The following EIF5B variants were observed in gnomAD, a reference collection of about 807,000 sequenced individuals.
The protein encoded by EIF5B is eukaryotic translation initiation factor 5B, also known as eIF-5B.
A neutral mutation model predicts 147.5 loss-of-function variants in EIF5B; 47 were observed. That is an observed-to-expected ratio of 0.32 (90% CI 0.25 to 0.41). The LOEUF (loss-of-function observed/expected upper bound fraction) is 0.41, where lower values mean the gene tolerates loss of function less well. Among genes scored for constraint, EIF5B ranks in the 10% least tolerant of loss-of-function variants. The pLI is 1.00. For synonymous variants in EIF5B, 455 were observed against 456.2 expected (o/e 1.00, Z 0.03); for missense variants, 1,064 against 1,413.2 (o/e 0.75, Z 3.96).
Position 99,361,527 on chromosome 2 carries a change from G to A in EIF5B, c.626G>A (p.Gly209Asp), listed in dbSNP as rs750167655. Residue 209 changes from glycine (G) to aspartate (D), a missense_variant, in exon 4 of 24, where the codon GGT (glycine) becomes GAT (aspartate). By Grantham distance (94) the Gly-to-Asp change is moderately conservative. Coordinates refer to ENST00000289371, the MANE Select transcript of EIF5B (RefSeq NM_015904.4). Reference protein sequence around the residue: ...GQKKNQKNKPGPNIESGNEDD... With the variant: ...GQKKNQKNKPDPNIESGNEDD... ...AAAAAAAATCAGAAAAACAAGCCAG[G>A]TCCTAACATAGAAAGTGGGAATGAA... The A allele has an allele frequency of 3.7e-6, 6 of 1,613,884 alleles. No individual in the cohort carries two copies. Among genetic ancestry groups the A allele is most frequent in the African/African-American group, 1.3e-5 (1 of 75,004 alleles).
rs759464054 is a variant in EIF5B, at chr2:99,391,729, C to CTTT, written c.2748+1041_2748+1043dup. 8.5e-5 allele frequency among the ~76,000 whole-genome samples: 11 copies of CTTT among 129,804 alleles called. No homozygotes were observed. The East Asian group carries it at 1.6e-3, about 18-fold the overall frequency. The allele number at this position is 129,804 out of a possible 152,430, so 85.2% of individuals were successfully genotyped here. On this transcript the variant is annotated intron_variant, in intron 17 of 23. Coordinates refer to ENST00000289371, the MANE Select transcript of EIF5B (RefSeq NM_015904.4). ...TCAGTGTGTACTTTTATAGCTGGCT[C>CTTT]TTTTTTTTTTTTTTTTTTTGGTGAT... is the stretch of plus-strand genomic sequence containing the variant.
chr2:99,387,040 G>A (rs538945946), intron 14 of EIF5B, among the ~76,000 whole-genome samples: 40 of 152,192 alleles, frequency 2.6e-4, no homozygotes, highest in Non-Finnish European at 4.9e-4. Context: ...CTCCCAAGTA[G>A]CTGGAATTAC....
At chr2:99,358,692 C>T (rs902046650) in intron 1 of EIF5B, among the ~76,000 whole-genome samples, 1 of 152,158 alleles carries the variant, frequency 6.6e-6, no homozygotes, top group African/African-American at 2.4e-5. Flanking sequence ...CCTCTTGAGG[C>T]ATAACACACC....
intron 1 of EIF5B, among the ~76,000 whole-genome samples, chr2:99,356,897 CCTGCCCCTAATTTGACAAGGTGA>C (rs1333915446): frequency 5.3e-5 from 8 of 152,142 alleles, no homozygotes; most frequent in Non-Finnish European, 1.2e-4. Flanking sequence ...ATCTACTCCC[CCTGCCCCTAATTTGACAAGGTGA>C]CTGCCCACAT....
intron 1 of EIF5B, among the ~76,000 whole-genome samples, chr2:99,342,036 G>A (rs929888845): frequency 6.6e-6 from 1 of 152,146 alleles, no homozygotes. Flanking sequence ...AAGAGACCTT[G>A]GGAATGAATT....
chr2:99,371,752 A>C, intron 9 of EIF5B, 22 bp downstream of exon 9: 1 of 1,594,660 alleles, frequency 6.3e-7, no homozygotes, highest in South Asian at 1.1e-5. Context: ...ATAAGCACAC[A>C]CTGATACATC....
At chr2:99,379,259 T>G in intron 11 of EIF5B, 59 bp from the exon 12 acceptor site, 9 of 1,496,854 alleles carry the variant, frequency 6.0e-6, no homozygotes, top group Non-Finnish European at 8.2e-6. Flanking sequence ...TTTCTTATTA[T>G]TTTTGCTGCT....
At chr2:99,375,328 G>A (rs1171058552) in intron 9 of EIF5B, among the ~76,000 whole-genome samples, 4 of 152,144 alleles carry the variant, frequency 2.6e-5, no homozygotes, top group African/African-American at 7.2e-5. Context: ...ACTTCCACAA[G>A]GTACCTGAGT....
chr2:99,376,312 T>C (rs1394593110), intron 9 of EIF5B, 35 bp from the exon 10 acceptor site: 1 of 1,248,418 alleles, frequency 8.0e-7, no homozygotes, highest in Non-Finnish European at 1.1e-6. Context: ...ATCATATTAA[T>C]GTTTATTTAT....
intron 14 of EIF5B, among the ~76,000 whole-genome samples, chr2:99,384,550 T>C (rs1222221576): frequency 2.0e-5 from 3 of 152,218 alleles, no homozygotes; most frequent in African/African-American, 7.2e-5. Context: ...ATTCCTCTGA[T>C]GGATTTGGGC....
intron 1 of EIF5B, among the ~76,000 whole-genome samples, chr2:99,347,693 C>G (rs1333995618): frequency 1.3e-5 from 2 of 151,936 alleles, no homozygotes; most frequent in African/African-American, 4.8e-5. Flanking sequence ...CTCAATTCTT[C>G]TGATACTTTT....
At chr2:99,381,210 G>A (rs530755654) in intron 12 of EIF5B, among the ~76,000 whole-genome samples, 1 of 152,138 alleles carries the variant, frequency 6.6e-6, no homozygotes, top group South Asian at 2.1e-4. Flanking sequence ...AGAGGAGAGG[G>A]TTCATAACAC....
At chr2:99,374,058 G>C (rs1255981206) in intron 9 of EIF5B, among the ~76,000 whole-genome samples, 2 of 152,252 alleles carry the variant, frequency 1.3e-5, no homozygotes, top group African/African-American at 2.4e-5. Flanking sequence ...GGAGGCCGAG[G>C]TGGGCGGATC....
In EIF5B at chr2:99,382,183, C is replaced by G; in HGVS notation, c.2086C>G (p.Pro696Ala). The change falls in exon 13 of 24, where the codon CCA becomes GCA. Residue 696 changes from proline to alanine, a missense_variant. Pro to Ala is a conservative substitution (Grantham distance 27). Around this residue, in one of 4 missense-constraint regions of EIF5B, gnomAD observed 380 missense variants for 715.6 expected, o/e 0.53. Transcript: ENST00000289371. Reference protein sequence around the residue: ...KNFDRENVRIPGMLIIDTPGH... With the variant: ...KNFDRENVRIAGMLIIDTPGH... The stretch of plus-strand genomic sequence containing the variant: ...GTTTGATAGAGAGAATGTACGGATT[C>G]CAGGAATGCTAATTATTGATACTCC... 2 of 1,612,884 alleles carry G rather than the reference C, an allele frequency of 1.2e-6. No individual in the cohort carries two copies. The highest frequency in any genetic ancestry group is 1.1e-5 in the South Asian group (1 of 90,976).
rs752539378 is a variant in EIF5B at position 99,368,594 on chromosome 2, T to C, written c.1387+3T>C. ...ACAGCAGCTAGAAAGTAAAGAAGGT[T>C]TGTATACAAAATAGCCTCTAATTTA... On this transcript the variant is annotated splice_donor_region_variant and intron_variant, in intron 7 of 23. Transcript: ENST00000289371. 1 of 1,602,926 alleles carries C rather than the reference T, an allele frequency of 6.2e-7. No individual in the cohort carries two copies. The highest frequency in any genetic ancestry group is 1.3e-5 in the African/African-American group (1 of 74,508).
intron 14 of EIF5B, among the ~76,000 whole-genome samples, chr2:99,386,628 C>G (rs1307135947): frequency 6.7e-6 from 1 of 148,448 alleles, no homozygotes; most frequent in Non-Finnish European, 1.5e-5. Context: ...CTCCCAGGCT[C>G]AAGCGATTCT....
Position 99,394,495 on chromosome 2 carries a change from T to TC in EIF5B, c.3013-11dup. On this transcript the variant is annotated splice_polypyrimidine_tract_variant and intron_variant, in intron 19 of 23. Transcript: ENST00000289371. ...GATACATACAGATAAACATGGAAAC[T>TC]CCCATTTTTTCAGTATGCAGGAATT... 9 of 1,614,004 alleles carry TC rather than the reference T, an allele frequency of 5.6e-6. No individual in the cohort carries two copies. The highest frequency in any genetic ancestry group is 7.6e-6 in the Non-Finnish European group (9 of 1,179,962).
At chr2:99,349,592 A>T (rs1387206911) in intron 1 of EIF5B, among the ~76,000 whole-genome samples, 1 of 152,184 alleles carries the variant, frequency 6.6e-6, no homozygotes, top group Non-Finnish European at 1.5e-5. Context: ...CAAAAGCCAA[A>T]CTCCAAAGTT....
rs771748808 is a variant in EIF5B, at chr2:99,390,294, ACT to A, written c.2480_2481del (p.Thr827ArgfsTer2). 1 of 1,614,126 alleles carries A rather than the reference ACT, an allele frequency of 6.2e-7. No homozygotes were observed. Among genetic ancestry groups the A allele is most frequent in the Non-Finnish European group, 8.5e-7 (1 of 1,180,016 alleles). ...GTCTTTGGTACCTACCTCTGCACAT[ACT>A]GGTGATGGCATGGGAAGTCTGATCT... ...FVSLVPTSAH[T>X]GDGMGSLIYL... On this transcript the variant is annotated frameshift_variant, in exon 16 of 24. Transcript: ENST00000289371. LOFTEE classifies it high-confidence loss of function.
Sources: gnomAD v4.1 joint callset for allele counts (sites outside exome capture counted in the v4.1 genomes callset) on GRCh38, gnomAD v4.1.1 for gene constraint, gnomAD v4.1.1 regional missense constraint, MANE v1.5 for transcripts, NCBI Gene and HGNC (gene_info 2026-07-23, HGNC 2026-07-21) for gene names.